The following FAM151B variants were observed in gnomAD, a reference collection of about 807,000 sequenced individuals.
FAM151B encodes the protein protein FAM151B.
FAM151B carries 24 observed loss-of-function variants against 31.2 expected under a neutral mutation model. That is an observed-to-expected ratio of 0.77 (90% CI 0.56 to 1.08). The LOEUF is 1.08. Among genes scored for constraint, FAM151B ranks in the 50% least tolerant of loss-of-function variants. FAM151B has a pLI of 0.00. For synonymous variants in FAM151B, 105 were observed against 111.4 expected (o/e 0.94, Z 0.36); for missense variants, 293 against 328.6 (o/e 0.89, Z 0.84).
intron 2 of FAM151B, among the ~76,000 whole-genome samples, chr5:80,503,090 A>T (rs1406819488): frequency 6.6e-6 from 1 of 152,228 alleles, no homozygotes; most frequent in Non-Finnish European, 1.5e-5. Context: ...AATAAAAACC[A>T]CTAAAGGGTT....
rs558132309 is a variant in FAM151B at position 80,507,823 on chromosome 5, G to A, written c.152-5781G>A. Among the ~76,000 whole-genome samples, 6 of 152,268 alleles carry A rather than the reference G, an allele frequency of 3.9e-5. No homozygotes were observed. In the South Asian group the frequency reaches 6.2e-4, roughly 16 times the overall value. ...CCTTCACAGTGTTTTCACATTCCTAGAAATTCCCACACTGGCCTCACAGCA... is the reference window on the plus strand; with the variant it reads ...CCTTCACAGTGTTTTCACATTCCTAAAAATTCCCACACTGGCCTCACAGCA... On this transcript the variant is annotated intron_variant, in intron 2 of 5. Coordinates refer to ENST00000282226, the MANE Select transcript of FAM151B (RefSeq NM_205548.3).
At chr5:80,534,621 G>C (rs60996014) in intron 5 of FAM151B, among the ~76,000 whole-genome samples, 127 of 152,272 alleles carry the variant, frequency 8.3e-4, no homozygotes, top group African/African-American at 2.7e-3. Context: ...CGTAATAAAA[G>C]CTATATACAA....
intron 1 of FAM151B, among the ~76,000 whole-genome samples, chr5:80,491,276 TG>T (rs1357565510): frequency 6.6e-6 from 1 of 151,962 alleles, no homozygotes; most frequent in Non-Finnish European, 1.5e-5. Context: ...AGTGCAGTGG[TG>T]CAATCATGGC....
At chr5:80,525,951 T>C (rs907130792) in intron 5 of FAM151B, among the ~76,000 whole-genome samples, 1 of 151,924 alleles carries the variant, frequency 6.6e-6, no homozygotes, top group Non-Finnish European at 1.5e-5. Flanking sequence ...GTATTTATAT[T>C]TTTATACTAG....
chr5:80,539,158 G>A (rs145714580), intron 5 of FAM151B, among the ~76,000 whole-genome samples: 20 of 151,752 alleles, frequency 1.3e-4, no homozygotes, highest in Admixed American at 7.2e-4. Flanking sequence ...CATTGTTTTC[G>A]TGAATAACCT....
chr5:80,538,128 C>T (rs190350277), intron 5 of FAM151B, among the ~76,000 whole-genome samples: 1 of 150,474 alleles, frequency 6.6e-6, no homozygotes, highest in East Asian at 2.0e-4. Flanking sequence ...AGTTCAGTGG[C>T]GCGATTTCGG....
Position 80,488,134 on chromosome 5 carries a change from C to G in FAM151B, c.11C>G (p.Ser4Cys), listed in dbSNP as rs1018746636. 4.1e-5 allele frequency: 64 copies of G among 1,543,176 alleles called. No individual in the cohort carries two copies. The highest frequency in any genetic ancestry group is 5.2e-5 in the Non-Finnish European group (60 of 1,147,486). The change falls in exon 1 of 6, where the codon TCC (serine) becomes TGC (cysteine). Residue 4 changes from serine to cysteine, a missense_variant. Transcript: ENST00000282226. ...GCGGGCGTCGTCACCATGGCAGCAT[C>G]CGCTGGAGGCCCAGGTAAGCGCCGA... MAA[S>C]AGGPGSWSEN...
In FAM151B at chr5:80,500,842, A is replaced by G. The variant is rs185516371; in HGVS notation, c.26-950A>G. 2.0e-5 allele frequency: 24 copies of G among 1,210,972 alleles called. No individual in the cohort carries two copies. In the East Asian group the frequency reaches 3.7e-4, roughly 19 times the overall value. 75.0% of individuals were successfully genotyped at this position (1,210,972 alleles called of 1,614,324 possible). On this transcript the variant is annotated intron_variant, in intron 1 of 5. Coordinates refer to ENST00000282226, the MANE Select transcript of FAM151B (RefSeq NM_205548.3). ...TAAGAAGCGAATTGCTTTAACAGAT[A>G]ACACTTTGATTGTTCCATCTCTTGG... is the stretch of plus-strand genomic sequence containing the variant.
chr5:80,541,954 C>A lies in FAM151B; in HGVS notation c.*122C>A. On this transcript the variant is annotated 3_prime_UTR_variant, in exon 6 of 6. Transcript: ENST00000282226. Reference sequence around the variant, plus strand: ...CGTTCCAAGTCATCTAATCAAGAAACGTTTATTGTATGCTTACTCTGTGGG... The same window carrying A: ...CGTTCCAAGTCATCTAATCAAGAAAAGTTTATTGTATGCTTACTCTGTGGG... 1 of 1,048,718 alleles carries A rather than the reference C, an allele frequency of 9.5e-7. No individual in the cohort carries two copies. Among genetic ancestry groups the A allele is most frequent in the Non-Finnish European group, 1.4e-6 (1 of 733,794 alleles). The allele number at this position is 1,048,718 out of a possible 1,614,324, so 65.0% of individuals were successfully genotyped here. A position where few individuals can be genotyped will look rare whatever the true frequency, so the allele number is the denominator to read the frequency against.
At chr5:80,488,627 C>G (rs1194571268) in intron 1 of FAM151B, among the ~76,000 whole-genome samples, 3 of 152,198 alleles carry the variant, frequency 2.0e-5, no homozygotes, top group African/African-American at 7.2e-5. Context: ...GAATCAGGTG[C>G]TTCAACTCGC....
At chr5:80,538,448 C>CTTTCTCTTTCTTTCTTTCTTTCTTTCTT (rs1235874356) in intron 5 of FAM151B, among the ~76,000 whole-genome samples, 1 of 49,348 alleles carries the variant, frequency 2.0e-5, no homozygotes, top group East Asian at 6.3e-4. Context: ...TTCTTTCTTT[C>CTTTCTCTTTCTTTCTTTCTTTCTTTCTT]TCTTTCTTTC....
At chr5:80,494,459 T>TTTC (rs1561359146) in intron 1 of FAM151B, among the ~76,000 whole-genome samples, 2 of 42,058 alleles carry the variant, frequency 4.8e-5, no homozygotes, top group African/African-American at 1.2e-4. Context: ...TTCTTTCTTT[T>TTTC]CTTTCTTTCT....
chr5:80,529,775 C>T (rs995484206), intron 5 of FAM151B, among the ~76,000 whole-genome samples: 1 of 152,122 alleles, frequency 6.6e-6, no homozygotes, highest in Non-Finnish European at 1.5e-5. Flanking sequence ...AAGTCCAGGA[C>T]GAGACGGATT....
chr5:80,522,347 CT>C (rs1744758823), intron 5 of FAM151B: 1 of 428,450 alleles, frequency 2.3e-6, no homozygotes. Context: ...TATTTTACCC[CT>C]ATTCCTCACA....
intron 5 of FAM151B, among the ~76,000 whole-genome samples, chr5:80,528,038 T>A (rs568656579): frequency 6.6e-6 from 1 of 152,308 alleles, no homozygotes; most frequent in East Asian, 1.9e-4. Context: ...TTACTTTTTT[T>A]AAACTTTTAA....
chr5:80,507,501 A>C (rs1744012061), intron 2 of FAM151B, among the ~76,000 whole-genome samples: 1 of 151,568 alleles, frequency 6.6e-6, no homozygotes, highest in Non-Finnish European at 1.5e-5. Flanking sequence ...GGCAACATGG[A>C]GAAACCCCGT....
chr5:80,497,732 A>G (rs1041776714), intron 1 of FAM151B, among the ~76,000 whole-genome samples: 8 of 144,870 alleles, frequency 5.5e-5, no homozygotes, highest in Non-Finnish European at 1.2e-4. Context: ...TTCTGAATGC[A>G]GTATGTTTAG....
chr5:80,500,966 T>C lies in FAM151B; in HGVS notation c.26-826T>C. 5 of 692,688 alleles carry C rather than the reference T, an allele frequency of 7.2e-6. 1 individual carries two copies. The highest frequency in any genetic ancestry group is 6.3e-5 in the South Asian group (4 of 63,914). The allele number at this position is 692,688 out of a possible 1,614,324, so 42.9% of individuals were successfully genotyped here. On this transcript the variant is annotated intron_variant, in intron 1 of 5. Coordinates refer to ENST00000282226, the MANE Select transcript of FAM151B (RefSeq NM_205548.3). ...AATAACTTGCTGTGGCCCTTCAAAT[T>C]ATCTTCGCCATGAGGCGGAATGAAG... is the stretch of plus-strand genomic sequence containing the variant.
intron 1 of FAM151B, among the ~76,000 whole-genome samples, chr5:80,496,961 C>T (rs954904732): frequency 6.6e-6 from 1 of 151,706 alleles, no homozygotes. Flanking sequence ...CAGACGTGAG[C>T]CACCACACCC....
Sources: allele counts gnomAD v4.1 joint callset (sites outside exome capture counted in the v4.1 genomes callset), GRCh38; gene constraint gnomAD v4.1.1; transcripts MANE v1.5; gene names NCBI Gene and HGNC (gene_info 2026-07-23, HGNC 2026-07-21).